The following TSHZ2 variants were observed in gnomAD, a reference collection of about 807,000 sequenced individuals.
TSHZ2 encodes the protein teashirt homolog 2.
Under a neutral mutation model 74.4 loss-of-function variants are expected in TSHZ2, and 21 were observed. The ratio of observed to expected loss-of-function variants is 0.28; its 90% CI spans 0.20 to 0.41. The LOEUF (loss-of-function observed/expected upper bound fraction) is 0.41, where lower values mean the gene tolerates loss of function less well. Ranked by LOEUF, TSHZ2 falls within the 10% of genes least tolerant of loss-of-function variation. The pLI is 1.00. For missense variants in TSHZ2, 1,244 were observed against 1,293.5 expected (o/e 0.96, Z 0.59); for synonymous variants, 540 against 515.3 (o/e 1.05, Z -0.65).
intron 1 of TSHZ2, among the ~76,000 whole-genome samples, chr20:53,048,424 T>C (rs932604394): frequency 2.0e-5 from 3 of 152,232 alleles, no homozygotes; most frequent in Non-Finnish European, 4.4e-5. Context: ...TCTCATCTTT[T>C]GCCCAGGACT....
chr20:52,991,496 G>A (rs1439179268), intron 1 of TSHZ2, among the ~76,000 whole-genome samples: 1 of 149,242 alleles, frequency 6.7e-6, no homozygotes, highest in Non-Finnish European at 1.5e-5. Context: ...TAGGAGAAGA[G>A]AGTGTGAAAG....
At chr20:53,484,621 T>C (rs1382677782) in intron 2 of TSHZ2, among the ~76,000 whole-genome samples, 1 of 151,930 alleles carries the variant, frequency 6.6e-6, no homozygotes, top group African/African-American at 2.4e-5. Flanking sequence ...CATAGCCTCA[T>C]GTGATCCGCC....
rs377252827 is a variant in TSHZ2 at position 53,484,106 on chromosome 20, T to A, written c.*9-3038T>A. 2.5e-4 allele frequency among the ~76,000 whole-genome samples: 38 copies of A among 152,316 alleles called. 2 individuals carry two copies. The South Asian group carries it at 7.7e-3, about 31-fold the overall frequency. ...ACCCATCTCTCTTCTTCCAACCACATGATCACCCTCCTTTAAGCTTCTAGA... is the reference window on the plus strand; with the variant it reads ...ACCCATCTCTCTTCTTCCAACCACAAGATCACCCTCCTTTAAGCTTCTAGA... On this transcript the variant is annotated intron_variant, in intron 2 of 2. Transcript: ENST00000371497.
chr20:53,006,912 G>A (rs1010469041), intron 1 of TSHZ2, among the ~76,000 whole-genome samples: 1 of 132,662 alleles, frequency 7.5e-6, no homozygotes, highest in Non-Finnish European at 1.7e-5. Flanking sequence ...TTGAGTAGGA[G>A]TTGGGAGAGT....
At chr20:53,446,620 G>T (rs996489813) in intron 2 of TSHZ2, among the ~76,000 whole-genome samples, 1 of 150,976 alleles carries the variant, frequency 6.6e-6, no homozygotes, top group African/African-American at 2.4e-5. Context: ...AACAAGGTCA[G>T]CTTTTTCACT....
At chr20:53,219,678 C>T (rs1989511578) in intron 1 of TSHZ2, among the ~76,000 whole-genome samples, 1 of 152,070 alleles carries the variant, frequency 6.6e-6, no homozygotes, top group African/African-American at 2.4e-5. Flanking sequence ...TAAAGAGCTC[C>T]AGCGATCAAA....
At chr20:53,275,486 AAG>A (rs1189875803) in intron 2 of TSHZ2, among the ~76,000 whole-genome samples, 2 of 152,014 alleles carry the variant, frequency 1.3e-5, no homozygotes, top group Non-Finnish European at 2.9e-5. Flanking sequence ...GGTGCACAAA[AAG>A]GGGGATTTAG....
chr20:53,097,915 T>G (rs1210164612), intron 1 of TSHZ2: 1 of 152,260 alleles, frequency 6.6e-6, no homozygotes, highest in African/African-American at 2.4e-5. Context: ...ATGAAAGCCA[T>G]AGGCCAGACC....
intron 2 of TSHZ2, among the ~76,000 whole-genome samples, chr20:53,305,081 GC>G (rs2145488479): frequency 6.6e-6 from 1 of 151,682 alleles, no homozygotes; most frequent in African/African-American, 2.4e-5. Context: ...GACTGCAGGT[GC>G]CCTCCACCAC....
chr20:53,152,632 C>G (rs1053258200), intron 1 of TSHZ2, among the ~76,000 whole-genome samples: 16 of 152,190 alleles, frequency 1.1e-4, no homozygotes, highest in Non-Finnish European at 1.0e-4. Flanking sequence ...CTATGTAGGA[C>G]AACCAAGACA....
At chr20:53,038,306 T>A (rs1268963829) in intron 1 of TSHZ2, among the ~76,000 whole-genome samples, 2 of 144,688 alleles carry the variant, frequency 1.4e-5, no homozygotes, top group East Asian at 2.2e-4. Context: ...GTCATCTCCA[T>A]CAATAAGCCT....
chr20:53,337,347 T>C lies in TSHZ2; in HGVS notation c.*8+80776T>C, dbSNP rs570243655. On this transcript the variant is annotated intron_variant, in intron 2 of 2. Coordinates refer to ENST00000371497, the MANE Select transcript of TSHZ2 (RefSeq NM_173485.6). ...ACTGTGGGACTGTTGCCTTGCCATG[T>C]TGACACATAAAACCAACCATCACAA... Among the ~76,000 whole-genome samples, 3 of 152,256 alleles carry C rather than the reference T, an allele frequency of 2.0e-5. No individual in the cohort carries two copies. The South Asian group carries it at 6.2e-4, about 31-fold the overall frequency.
At chr20:53,464,859 T>C (rs1985507136) in intron 2 of TSHZ2, among the ~76,000 whole-genome samples, 1 of 152,146 alleles carries the variant, frequency 6.6e-6, no homozygotes, top group Non-Finnish European at 1.5e-5. Flanking sequence ...CTTAAACTCC[T>C]GGGCTCAAAT....
At chr20:53,325,651 G>C (rs942000511) in intron 2 of TSHZ2, among the ~76,000 whole-genome samples, 1 of 148,544 alleles carries the variant, frequency 6.7e-6, no homozygotes, top group African/African-American at 2.5e-5. Flanking sequence ...TGCTGCATGA[G>C]GGGGAACTGC....
intron 1 of TSHZ2, among the ~76,000 whole-genome samples, chr20:53,190,134 TA>T (rs1988702356): frequency 9.8e-6 from 1 of 102,006 alleles, no homozygotes; most frequent in Non-Finnish European, 2.0e-5. Context: ...TATATATATA[TA>T]TATTTTCTTA....
intron 2 of TSHZ2, among the ~76,000 whole-genome samples, chr20:53,429,584 A>C (rs1173010658): frequency 1.3e-5 from 2 of 152,214 alleles, no homozygotes. Context: ...CTCCTCAGCC[A>C]AGTGGAACTG....
intron 2 of TSHZ2, among the ~76,000 whole-genome samples, chr20:53,333,548 C>T (rs755465503): frequency 3.5e-4 from 53 of 151,988 alleles, no homozygotes; most frequent in Non-Finnish European, 6.2e-4. Context: ...CTCCGCCTCC[C>T]GGGTTCACGC....
At chr20:53,066,279 G>A (rs536734643) in intron 1 of TSHZ2, among the ~76,000 whole-genome samples, 55 of 152,136 alleles carry the variant, frequency 3.6e-4, no homozygotes, top group Admixed American at 2.6e-4. Flanking sequence ...AGGCCAAGGA[G>A]GCCCTGCAAG....
chr20:53,100,136 C>T (rs1452508877), intron 1 of TSHZ2, among the ~76,000 whole-genome samples: 1 of 152,162 alleles, frequency 6.6e-6, no homozygotes, highest in Non-Finnish European at 1.5e-5. Context: ...CCTGGAGACT[C>T]ACTGAGATTA....
Sources: gnomAD v4.1 joint callset for allele counts (sites outside exome capture counted in the v4.1 genomes callset) on GRCh38, gnomAD v4.1.1 for gene constraint, MANE v1.5 for transcripts, NCBI Gene and HGNC (gene_info 2026-07-23, HGNC 2026-07-21) for gene names.